The following SLC16A7 variants were observed in gnomAD, a reference collection of about 807,000 sequenced individuals.
SLC16A7 encodes solute carrier family 16 member 7, also known as monocarboxylate transporter 2.
In SLC16A7, 33 loss-of-function variants were observed where a neutral mutation model predicts 34.9. The ratio of observed to expected loss-of-function variants is 0.94; its 90% CI spans 0.72 to 1.26. The LOEUF (loss-of-function observed/expected upper bound fraction) is 1.26. SLC16A7 is among the 50% of genes most tolerant of loss of function. The probability of loss-of-function intolerance (pLI) is 0.00; values close to 1 mark genes in which losing one functional copy is unlikely to be tolerated. For synonymous variants in SLC16A7, 201 were observed against 206.6 expected, an observed-to-expected ratio of 0.97 and a Z score of 0.23; for missense variants, 573 against 578.1, an observed-to-expected ratio of 0.99 and a Z score of 0.09.
Position 59,608,601 on chromosome 12 carries a change from A to G in SLC16A7, c.-130+12365A>G, listed in dbSNP as rs534344591. 3.3e-5 allele frequency among the ~76,000 whole-genome samples: 5 copies of G among 152,334 alleles called. No individual in the cohort carries two copies. The South Asian group carries it at 1.0e-3, about 32-fold the overall frequency. ...GCCATGGGGAGAGCATTAATTAAAC[A>G]CAGTAATGTCCTGGTACAGGAGGAT... On this transcript the variant is annotated intron_variant, in intron 1 of 5. Coordinates refer to ENST00000547379, the MANE Select transcript of SLC16A7 (RefSeq NM_001270623.2).
chr12:59,644,035 G>A (rs746625287), intron 1 of SLC16A7, among the ~76,000 whole-genome samples: 30 of 152,100 alleles, frequency 2.0e-4, no homozygotes, highest in Non-Finnish European at 3.1e-4. Context: ...TTTTGAATCG[G>A]AAATATGGAT....
intron 1 of SLC16A7, among the ~76,000 whole-genome samples, chr12:59,600,588 G>A (rs1198402478): frequency 6.6e-6 from 1 of 152,012 alleles, no homozygotes; most frequent in Non-Finnish European, 1.5e-5. Context: ...TGAGAGACTA[G>A]CCTAAAATGG....
intron 1 of SLC16A7, among the ~76,000 whole-genome samples, chr12:59,637,097 G>T (rs758166999): frequency 3.3e-5 from 5 of 151,990 alleles, no homozygotes; most frequent in Admixed American, 1.3e-4. Flanking sequence ...TTTCTGCTCT[G>T]GCTTAGTAGA....
At chr12:59,701,328 G>A (rs904987488) in intron 2 of SLC16A7, among the ~76,000 whole-genome samples, 3 of 150,778 alleles carry the variant, frequency 2.0e-5, no homozygotes, top group African/African-American at 7.3e-5. Context: ...CAGAGTAAAT[G>A]ATGGAGCCAG....
chr12:59,600,926 A>G (rs1016538245), intron 1 of SLC16A7, among the ~76,000 whole-genome samples: 4 of 152,194 alleles, frequency 2.6e-5, no homozygotes, highest in East Asian at 1.9e-4. Flanking sequence ...TGAAAATCCT[A>G]TGGGACAACT....
intron 2 of SLC16A7, among the ~76,000 whole-genome samples, chr12:59,671,958 T>C (rs1456852530): frequency 1.3e-5 from 1 of 78,900 alleles, no homozygotes; most frequent in Non-Finnish European, 2.2e-5. Context: ...TATATATGTA[T>C]ATATGTGTAT....
At chr12:59,627,965 A>T (rs925927842) in intron 1 of SLC16A7, among the ~76,000 whole-genome samples, 3 of 151,450 alleles carry the variant, frequency 2.0e-5, no homozygotes, top group African/African-American at 7.3e-5. Context: ...CCAATCTTCC[A>T]TGTTGGAAAC....
At chr12:59,658,730 T>C (rs2137027204) in intron 2 of SLC16A7, among the ~76,000 whole-genome samples, 2 of 152,090 alleles carry the variant, frequency 1.3e-5, no homozygotes, top group Non-Finnish European at 2.9e-5. Context: ...ATTGTGTGGG[T>C]TGATATAAAT....
At chr12:59,727,502 C>T (rs1876428412) in intron 3 of SLC16A7, among the ~76,000 whole-genome samples, 1 of 152,100 alleles carries the variant, frequency 6.6e-6, no homozygotes, top group Non-Finnish European at 1.5e-5. Flanking sequence ...AGTAGAGATG[C>T]ACTTGAGATC....
chr12:59,603,225 C>T (rs1878774101), intron 1 of SLC16A7, among the ~76,000 whole-genome samples: 1 of 152,180 alleles, frequency 6.6e-6, no homozygotes. Flanking sequence ...TGGTCTCTCA[C>T]CCTACCAGTT....
At chr12:59,765,344 T>C (rs1408616813) in intron 3 of SLC16A7, among the ~76,000 whole-genome samples, 10 of 152,266 alleles carry the variant, frequency 6.6e-5, no homozygotes, top group Admixed American at 3.9e-4. Context: ...TAATTAGATC[T>C]CATTTGTCAA....
intron 3 of SLC16A7, among the ~76,000 whole-genome samples, chr12:59,733,032 C>T (rs895553230): frequency 6.6e-6 from 1 of 152,188 alleles, no homozygotes; most frequent in Non-Finnish European, 1.5e-5. Context: ...TAACTTTACA[C>T]TCTCAATGTG....
rs145141723 is a variant in SLC16A7, at chr12:59,759,236, A to G, written c.218-11983A>G. ...TAGCATAGTAGTTGAGTTAAAATCA[A>G]TCCATCTTTCTATGTGCCTATCTAC... On this transcript the variant is annotated intron_variant, in intron 3 of 5. Transcript: ENST00000547379. Among the ~76,000 whole-genome samples the G allele has an allele frequency of 1.4e-3, 211 of 152,100 alleles. 1 individual carries two copies. Among genetic ancestry groups the G allele is most frequent in the Middle Eastern group, 6.8e-3 (2 of 294 alleles).
Position 59,789,428 on chromosome 12 carries a change from A to G in SLC16A7, c.*9749A>G, listed in dbSNP as rs987667964. 3.3e-5 allele frequency: 5 copies of G among 152,194 alleles called. No individual in the cohort carries two copies. Among genetic ancestry groups the G allele is most frequent in the African/African-American group, 4.8e-5 (2 of 41,464 alleles). The allele number at this position is 152,194 out of a possible 1,614,324, so 9.4% of individuals were successfully genotyped here. A position where few individuals can be genotyped will look rare whatever the true frequency, so the allele number is the denominator to read the frequency against. ...ATGCAACAGCTAAACTTTATGGTACATATTAATTAGTTTTATTTTCTTTTC... is the reference window on the plus strand; with the variant it reads ...ATGCAACAGCTAAACTTTATGGTACGTATTAATTAGTTTTATTTTCTTTTC... On this transcript the variant is annotated 3_prime_UTR_variant, in exon 6 of 6. Coordinates refer to ENST00000547379, the MANE Select transcript of SLC16A7 (RefSeq NM_001270623.2).
intron 3 of SLC16A7, among the ~76,000 whole-genome samples, chr12:59,765,318 C>T (rs1307820573): frequency 1.3e-5 from 2 of 152,166 alleles, no homozygotes; most frequent in Admixed American, 6.5e-5. Context: ...TTTTGCTGTG[C>T]AGAAGCTCTT....
chr12:59,730,956 G>T (rs1292545806), intron 3 of SLC16A7, among the ~76,000 whole-genome samples: 2 of 152,032 alleles, frequency 1.3e-5, no homozygotes, highest in East Asian at 1.9e-4. Context: ...AATGGGGGAG[G>T]TTGTCACTCT....
intron 3 of SLC16A7, among the ~76,000 whole-genome samples, chr12:59,758,730 A>C (rs933711751): frequency 6.6e-6 from 1 of 152,072 alleles, no homozygotes; most frequent in Non-Finnish European, 1.5e-5. Flanking sequence ...TAACTATGAT[A>C]ATTATTTATT....
intron 1 of SLC16A7, among the ~76,000 whole-genome samples, chr12:59,631,907 T>G (rs531694048): frequency 2.0e-5 from 3 of 152,162 alleles, no homozygotes; most frequent in African/African-American, 7.2e-5. Context: ...AGTGTGTGTG[T>G]ATTTGTGTGT....
chr12:59,769,501 A>G (rs1309255809), intron 3 of SLC16A7, among the ~76,000 whole-genome samples: 2 of 150,970 alleles, frequency 1.3e-5, no homozygotes, highest in South Asian at 2.1e-4. Context: ...TTTATAGAGC[A>G]TTCTTTCATG....
Sources: allele counts gnomAD v4.1 joint callset (sites outside exome capture counted in the v4.1 genomes callset), GRCh38; gene constraint gnomAD v4.1.1; transcripts MANE v1.5; gene names NCBI Gene and HGNC (gene_info 2026-07-23, HGNC 2026-07-21).